The following DIP2C variants were observed in gnomAD, a reference collection of about 807,000 sequenced individuals.
DIP2C encodes DIP2 acetate--CoA ligase C (putative), also known as disco-interacting protein 2 homolog C.
In DIP2C, 33 loss-of-function variants were observed where a neutral mutation model predicts 192.4. That is an observed-to-expected ratio of 0.17 (90% CI 0.13 to 0.23). The LOEUF (loss-of-function observed/expected upper bound fraction) is 0.23, where lower values mean the gene tolerates loss of function less well. Among genes scored for constraint, DIP2C ranks in the 10% least tolerant of loss-of-function variants. The pLI is 1.00. For missense variants in DIP2C, 1,537 were observed against 2,110.1 expected, an observed-to-expected ratio of 0.73 and a Z score of 5.32; for synonymous variants, 979 against 864.1, an observed-to-expected ratio of 1.13 and a Z score of -2.33.
intron 1 of DIP2C, among the ~76,000 whole-genome samples, chr10:632,239 G>A (rs1164602840): frequency 6.6e-6 from 1 of 152,264 alleles, no homozygotes; most frequent in Non-Finnish European, 1.5e-5. Flanking sequence ...AGGTCAAGGT[G>A]TGGGAGGACA....
At chr10:475,724 A>G (rs918755125) in intron 2 of DIP2C, among the ~76,000 whole-genome samples, 2 of 152,214 alleles carry the variant, frequency 1.3e-5, no homozygotes, top group Admixed American at 6.5e-5. Flanking sequence ...ATGAATGTAC[A>G]TGTTTCCTTC....
intron 1 of DIP2C, among the ~76,000 whole-genome samples, chr10:528,742 C>T (rs143455359): frequency 2.0e-5 from 3 of 152,266 alleles, no homozygotes; most frequent in Non-Finnish European, 4.4e-5. Flanking sequence ...GTGCAGTGTG[C>T]CCCAGGAGCT....
intron 1 of DIP2C, among the ~76,000 whole-genome samples, chr10:540,907 G>A (rs1244162239): frequency 2.0e-5 from 3 of 152,212 alleles, no homozygotes; most frequent in African/African-American, 7.2e-5. Context: ...GCATGCATTA[G>A]ACACAGCAGC....
At chr10:408,508 T>A (rs566776373) in intron 9 of DIP2C, among the ~76,000 whole-genome samples, 5 of 152,190 alleles carry the variant, frequency 3.3e-5, no homozygotes, top group African/African-American at 4.8e-5. Flanking sequence ...CTTTATAGTA[T>A]TGCTTAAGTA....
chr10:297,627 T>C (rs1955823458), intron 32 of DIP2C, among the ~76,000 whole-genome samples: 1 of 152,148 alleles, frequency 6.6e-6, no homozygotes, highest in African/African-American at 2.4e-5. Context: ...AGAAAGATGA[T>C]TTCATAGAAA....
At chr10:378,532 GAC>G (rs1396068227) in intron 17 of DIP2C, among the ~76,000 whole-genome samples, 24 of 151,398 alleles carry the variant, frequency 1.6e-4, no homozygotes, top group South Asian at 4.2e-4. Context: ...CATGCACAAA[GAC>G]ACATGTGAAC....
intron 22 of DIP2C, 87 bp downstream of exon 22, chr10:362,403 G>A: frequency 6.8e-7 from 1 of 1,461,978 alleles, no homozygotes; most frequent in South Asian, 1.3e-5. Context: ...CCTGCAAGCA[G>A]CCCTGGGTGA....
At chr10:429,001 C>A (rs1207714348) in intron 4 of DIP2C, among the ~76,000 whole-genome samples, 1 of 152,030 alleles carries the variant, frequency 6.6e-6, no homozygotes, top group Non-Finnish European at 1.5e-5. Context: ...ACATTGCCTA[C>A]CAGAGTGGTA....
rs540086319 is a variant in DIP2C, at chr10:625,496, G to A, written c.85+63998C>T. Among the ~76,000 whole-genome samples the A allele has an allele frequency of 9.2e-5, 14 of 152,294 alleles. 1 individual carries two copies. The South Asian group carries it at 2.9e-3, about 32-fold the overall frequency. On this transcript the variant is annotated intron_variant, in intron 1 of 36. Coordinates refer to ENST00000280886, the MANE Select transcript of DIP2C (RefSeq NM_014974.3). Reference sequence around the variant, plus strand: ...AGAGGCCGGGCTCTGCCTTTCTGCAGGCTCCCCTACGGGGAGCCTGCCCTG... The same window carrying A: ...AGAGGCCGGGCTCTGCCTTTCTGCAAGCTCCCCTACGGGGAGCCTGCCCTG...
rs560739701 is a variant in DIP2C at position 586,683 on chromosome 10, T to C, written c.86-100153A>G. On this transcript the variant is annotated intron_variant, in intron 1 of 36. Transcript: ENST00000280886. ...AACTTTCACTGGGAAAAACACCATC[T>C]CAAGAGCCCCAATGACCACAATGAA... is the stretch of plus-strand genomic sequence containing the variant. Among the ~76,000 whole-genome samples, 6 of 152,314 alleles carry C rather than the reference T, an allele frequency of 3.9e-5. No individual in the cohort carries two copies. In the South Asian group the frequency reaches 1.2e-3, roughly 32 times the overall value.
chr10:614,451 G>A (rs916022871), intron 1 of DIP2C, among the ~76,000 whole-genome samples: 1 of 152,322 alleles, frequency 6.6e-6, no homozygotes, highest in Non-Finnish European at 1.5e-5. Context: ...AGAGGACCCG[G>A]GGCACAGGAA....
At chr10:665,734 C>T (rs1857049361) in intron 1 of DIP2C, 1 of 152,296 alleles carries the variant, frequency 6.6e-6, no homozygotes, top group Non-Finnish European at 1.5e-5. Context: ...AGCAAAGACT[C>T]ACGTGACTCC....
At position 636,725 on chromosome 10, in the gene DIP2C, G is replaced by A. The variant is rs562264563; in HGVS notation, c.85+52769C>T. ...CACCCTTTATCTGTGATGACTTTTC[G>A]AGAGTCTGGGGCCAACGTCCTGCAG... On this transcript the variant is annotated intron_variant, in intron 1 of 36. Transcript: ENST00000280886. The surrounding 1 kb of genome is among the most constrained non-coding windows in gnomAD (Gnocchi z 4.6). Among the ~76,000 whole-genome samples, 8 of 152,248 alleles carry A rather than the reference G, an allele frequency of 5.3e-5. No homozygotes were observed. In the South Asian group the frequency reaches 1.0e-3, roughly 20 times the overall value.
intron 5 of DIP2C, among the ~76,000 whole-genome samples, chr10:420,367 G>A (rs896811129): frequency 2.6e-5 from 4 of 152,202 alleles, no homozygotes; most frequent in Non-Finnish European, 4.4e-5. Flanking sequence ...GGTGTCACAA[G>A]TAGATTCGGC....
intron 1 of DIP2C, among the ~76,000 whole-genome samples, chr10:671,935 G>T (rs1263500450): frequency 8.6e-5 from 11 of 127,376 alleles, no homozygotes; most frequent in Non-Finnish European, 1.6e-5. Context: ...GGAGGAAACA[G>T]GCCACAGACA....
chr10:676,504 A>T (rs867414780), intron 1 of DIP2C, among the ~76,000 whole-genome samples: 8 of 138,712 alleles, frequency 5.8e-5, no homozygotes, highest in African/African-American at 1.9e-4. Flanking sequence ...CTTATATATT[A>T]AAAAAAAAAA....
intron 3 of DIP2C, among the ~76,000 whole-genome samples, chr10:444,205 C>G (rs553784995): frequency 6.7e-6 from 1 of 148,776 alleles, no homozygotes; most frequent in African/African-American, 2.5e-5. Flanking sequence ...TTCCATCACC[C>G]GAGACTCGTG....
intron 18 of DIP2C, 99 bp downstream of exon 18, chr10:369,395 C>G: frequency 7.0e-7 from 1 of 1,433,468 alleles, no homozygotes; most frequent in Non-Finnish European, 9.2e-7. Context: ...GAGGGCACAC[C>G]ACGGGAACGC....
intron 32 of DIP2C, among the ~76,000 whole-genome samples, chr10:298,111 T>TCCC (rs1196287303): frequency 1.3e-5 from 2 of 152,220 alleles, no homozygotes; most frequent in Non-Finnish European, 2.9e-5. Context: ...CTTCCTCATT[T>TCCC]CCCCCTAATA....
Sources: gnomAD v4.1 joint callset for allele counts (sites outside exome capture counted in the v4.1 genomes callset) on GRCh38, gnomAD v4.1.1 for gene constraint, Gnocchi (gnomAD v3.1) non-coding constraint, MANE v1.5 for transcripts, NCBI Gene and HGNC (gene_info 2026-07-23, HGNC 2026-07-21) for gene names.